NPY1R: variants seen among roughly 807,000 people sequenced by gnomAD.
NPY1R encodes the protein neuropeptide Y receptor Y1, also known as neuropeptide Y receptor type 1.
In NPY1R, 10 loss-of-function variants were observed where a neutral mutation model predicts 24.1. The ratio of observed to expected loss-of-function variants is 0.42; its 90% CI spans 0.26 to 0.71. The LOEUF (loss-of-function observed/expected upper bound fraction) is 0.71, where lower values mean the gene tolerates loss of function less well. NPY1R is among the 30% of genes least tolerant of loss of function. NPY1R has a pLI of 0.28. For synonymous variants in NPY1R, 168 were observed against 165.9 expected (o/e 1.01, Z -0.10); for missense variants, 350 against 458.0 (o/e 0.76, Z 2.15).
intron 1 of NPY1R, among the ~76,000 whole-genome samples, chr4:163,327,935 T>A (rs1199885875): frequency 2.0e-5 from 3 of 152,190 alleles, no homozygotes; most frequent in Non-Finnish European, 4.4e-5. Flanking sequence ...TTTCATTCTT[T>A]TCTTTCTTAA....
At chr4:163,333,401 C>T (rs995135429), upstream of NPY1R, among the ~76,000 whole-genome samples, 2 of 152,100 alleles carry the variant, frequency 1.3e-5, no homozygotes, top group Non-Finnish European at 2.9e-5. Context: ...CAATTACTGG[C>T]ACACTGATCT....
intron 1 of NPY1R, chr4:163,343,823 C>CG (rs1043667762): frequency 2.0e-5 from 3 of 152,164 alleles, no homozygotes; most frequent in African/African-American, 4.8e-5. Flanking sequence ...AGCAGGGTCT[C>CG]GGGGGTCCCC....
Position 163,325,251 on chromosome 4 carries a change from T to C in NPY1R, c.*52A>G, listed in dbSNP as rs1315238404. The C allele has an allele frequency of 4.8e-6, 6 of 1,261,698 alleles. No individual in the cohort carries two copies. In the East Asian group the frequency reaches 1.2e-4, roughly 24 times the overall value. 78.2% of individuals were successfully genotyped at this position (1,261,698 alleles called of 1,614,324 possible). ...ACAGGTAATCAAAGTATGTTGCAGG[T>C]TGTGCTTGTTTTTAAACAGATGTCA... is the stretch of plus-strand genomic sequence containing the variant. On this transcript the variant is annotated 3_prime_UTR_variant, in exon 3 of 3. Coordinates refer to ENST00000296533, the MANE Select transcript of NPY1R (RefSeq NM_000909.6).
chr4:163,339,354 T>G lies in NPY1R; in HGVS notation c.-152+4951A>C, dbSNP rs562563230. ...GCCCTCTGTTACATCCCCAGTTTAT[T>G]TTTAAGAATGAATTACCCAGGAATA... On this transcript the variant is annotated intron_variant, in intron 1 of 1. Coordinates refer to the NPY1R transcript ENST00000511901. 1.6e-4 allele frequency among the ~76,000 whole-genome samples: 24 copies of G among 152,288 alleles called. No homozygotes were observed. The East Asian group carries it at 4.1e-3, about 26-fold the overall frequency.
intron 1 of NPY1R, among the ~76,000 whole-genome samples, chr4:163,338,655 C>T (rs970879170): frequency 1.3e-5 from 2 of 152,146 alleles, no homozygotes; most frequent in African/African-American, 4.8e-5. Flanking sequence ...CTTCCTTGAC[C>T]AACCCCCAAA....
At position 163,325,739 on chromosome 4, in the gene NPY1R, CT is replaced by C; in HGVS notation, c.718del (p.Arg240GlyfsTer5). On this transcript the variant is annotated frameshift_variant, in exon 3 of 3. Coordinates refer to ENST00000296533, the MANE Select transcript of NPY1R (RefSeq NM_000909.6). LOFTEE classifies it high-confidence loss of function. The part of the protein sequence containing the change: ...CYFKIYIRLK[R>X]RNNMMDKMRD... ...CATCTTGTCCATCATGTTGTTTCTC[CT>C]TTTTAGGCGTATATATATCTATGGA... 6.3e-7 allele frequency: 1 copy of C among 1,597,062 alleles called. No individual in the cohort carries two copies. The highest frequency in any genetic ancestry group is 8.5e-7 in the Non-Finnish European group (1 of 1,174,378).
In NPY1R at chr4:163,325,989, A is replaced by G. The variant is rs1409907441; in HGVS notation, c.566T>C (p.Leu189Pro). 7 of 1,614,010 alleles carry G rather than the reference A, an allele frequency of 4.3e-6. No individual in the cohort carries two copies. Among genetic ancestry groups the G allele is most frequent in the Non-Finnish European group, 5.9e-6 (7 of 1,179,992 alleles). Residue 189 changes from leucine to proline, a missense_variant, in exon 2 of 3, where the codon CTT (leucine) becomes CCT (proline). Coordinates refer to ENST00000296533, the MANE Select transcript of NPY1R (RefSeq NM_000909.6). ...CACGTATTTGTCTTTGTACGCATCA[A>G]GTGTTACATTTTGGAACGGCTCATC... is the stretch of plus-strand genomic sequence containing the variant. The part of the protein sequence containing the change: ...MTDEPFQNVT[L>P]DAYKDKYVCF...
At chr4:163,339,731 C>T (rs11100492) in intron 1 of NPY1R, among the ~76,000 whole-genome samples, 128,797 of 152,116 alleles carry the variant, frequency 0.85, 55,311 homozygotes, top group East Asian at 0.99. Flanking sequence ...TATGCATAGT[C>T]TGCTTACTAA....
intron 1 of NPY1R, among the ~76,000 whole-genome samples, chr4:163,327,427 G>A (rs1461579385): frequency 2.0e-5 from 3 of 152,144 alleles, no homozygotes; most frequent in African/African-American, 7.2e-5. Context: ...GGACCAAGAG[G>A]TGCACATTAT....
intron 1 of NPY1R, among the ~76,000 whole-genome samples, chr4:163,327,100 T>G (rs1159470360): frequency 6.6e-6 from 1 of 152,174 alleles, no homozygotes; most frequent in Non-Finnish European, 1.5e-5. Flanking sequence ...ATAAATTACC[T>G]AATTCTGCCA....
chr4:163,332,052 C>T (rs1578936204), intron 1 of NPY1R, among the ~76,000 whole-genome samples: 2 of 152,354 alleles, frequency 1.3e-5, no homozygotes, highest in South Asian at 2.1e-4. Flanking sequence ...CAGCCAGTTA[C>T]TCCGCGAAAA....
At chr4:163,329,645 A>G (rs7687423) in intron 1 of NPY1R, among the ~76,000 whole-genome samples, 80,183 of 151,612 alleles carry the variant, frequency 0.53, 22,119 homozygotes, top group Non-Finnish European at 0.61. Flanking sequence ...GGGAGCTGCA[A>G]TTTATTACTT....
At chr4:163,331,835 C>A (rs1055304183) in intron 1 of NPY1R, among the ~76,000 whole-genome samples, 1 of 152,230 alleles carries the variant, frequency 6.6e-6, no homozygotes, top group African/African-American at 2.4e-5. Flanking sequence ...TCTATCGGGG[C>A]GCAGCGCCAC....
chr4:163,329,260 G>C (rs563540203), intron 1 of NPY1R, among the ~76,000 whole-genome samples: 2 of 152,170 alleles, frequency 1.3e-5, no homozygotes, highest in African/African-American at 4.8e-5. Context: ...ATTAGTAAAA[G>C]ATATAGTATG....
intron 1 of NPY1R, among the ~76,000 whole-genome samples, chr4:163,331,606 C>G (rs1055711347): frequency 6.6e-6 from 1 of 152,040 alleles, no homozygotes; most frequent in Non-Finnish European, 1.5e-5. Flanking sequence ...AAGCAGATCC[C>G]AAACCGAAGT....
upstream of NPY1R, among the ~76,000 whole-genome samples, chr4:163,337,709 TATA>T (rs1312261999): frequency 1.3e-5 from 2 of 152,222 alleles, no homozygotes; most frequent in Non-Finnish European, 2.9e-5. Flanking sequence ...ATAAAATAAC[TATA>T]ATACCTGTTT....
chr4:163,340,419 T>G (rs4691076), intron 1 of NPY1R, among the ~76,000 whole-genome samples: 1 of 151,684 alleles, frequency 6.6e-6, no homozygotes, highest in Non-Finnish European at 1.5e-5. Context: ...ACATGAAATA[T>G]AGTTAATACT....
chr4:163,335,695 T>G (rs901024980), upstream of NPY1R, among the ~76,000 whole-genome samples: 1 of 152,074 alleles, frequency 6.6e-6, no homozygotes, highest in Admixed American at 6.5e-5. Context: ...TCAGTTCATA[T>G]TCTATGAATT....
chr4:163,328,013 A>G (rs897294897), intron 1 of NPY1R, among the ~76,000 whole-genome samples: 2 of 152,148 alleles, frequency 1.3e-5, no homozygotes, highest in African/African-American at 4.8e-5. Flanking sequence ...CTTAATGAAC[A>G]AGAAATGCAT....
Sources: gnomAD v4.1 joint callset for allele counts (sites outside exome capture counted in the v4.1 genomes callset) on GRCh38, gnomAD v4.1.1 for gene constraint, MANE v1.5 for transcripts, NCBI Gene and HGNC (gene_info 2026-07-23, HGNC 2026-07-21) for gene names.